HELZ: variants seen among roughly 807,000 people sequenced by gnomAD.
HELZ encodes the protein ATP-dependent RNA helicase with zinc finger domain.
In HELZ, 23 loss-of-function variants were observed where a neutral mutation model predicts 218.2. The observed-to-expected ratio is 0.11, with a 90% CI of 0.08 to 0.15. The LOEUF (loss-of-function observed/expected upper bound fraction) is 0.15, where lower values mean the gene tolerates loss of function less well. HELZ is among the 10% of genes least tolerant of loss of function. HELZ has a pLI of 1.00. For missense variants in HELZ, 1,813 were observed against 2,353.7 expected (o/e 0.77, Z 4.75); for synonymous variants, 814 against 829.4 (o/e 0.98, Z 0.32).
chr17:67,179,782 C>A (rs1300521420), intron 12 of HELZ: 3 of 151,970 alleles, frequency 2.0e-5, no homozygotes, highest in African/African-American at 4.8e-5. Flanking sequence ...ATACATTACA[C>A]CAAGACTTTG....
chr17:67,197,701 C>T (rs1483852474), intron 7 of HELZ, among the ~76,000 whole-genome samples: 4 of 152,120 alleles, frequency 2.6e-5, no homozygotes, highest in South Asian at 4.1e-4. Context: ...ATAGAAAGAA[C>T]GTCAGAATGC....
intron 12 of HELZ, 48 bp from the exon 13 acceptor site, chr17:67,178,974 T>C (rs763299819): frequency 5.5e-6 from 7 of 1,267,026 alleles, no homozygotes; most frequent in Non-Finnish European, 7.7e-6. Flanking sequence ...AACATTAAAA[T>C]TTTTAAATAA....
At chr17:67,190,108 AGTTCATT>A (rs1207168177) in intron 10 of HELZ, 42 bp downstream of exon 10, 1 of 1,475,160 alleles carries the variant, frequency 6.8e-7, no homozygotes, top group South Asian at 1.1e-5. Flanking sequence ...TCAAGACTCA[AGTTCATT>A]GTTTAAGACA....
chr17:67,140,610 T>C (rs982936034), intron 21 of HELZ, among the ~76,000 whole-genome samples: 1 of 151,968 alleles, frequency 6.6e-6, no homozygotes, highest in African/African-American at 2.4e-5. Flanking sequence ...CTCACCAACA[T>C]GCATCTGATG....
At chr17:67,097,334 G>A (rs1394067343) in intron 31 of HELZ, among the ~76,000 whole-genome samples, 1 of 152,108 alleles carries the variant, frequency 6.6e-6, no homozygotes, top group Non-Finnish European at 1.5e-5. Context: ...GCTCAACATG[G>A]GGTTACCATA....
intron 12 of HELZ, among the ~76,000 whole-genome samples, chr17:67,180,572 T>C (rs2039578249): frequency 6.6e-6 from 1 of 152,088 alleles, no homozygotes; most frequent in African/African-American, 2.4e-5. Flanking sequence ...GGAGAAATCC[T>C]GTCCCTACTG....
intron 3 of HELZ, among the ~76,000 whole-genome samples, chr17:67,226,335 C>T (rs979269206): frequency 6.8e-6 from 1 of 147,106 alleles, no homozygotes; most frequent in South Asian, 2.1e-4. Context: ...CAAATAAAAA[C>T]TGAGCAACAG....
Position 67,207,211 on chromosome 17 carries a change from C to CT in HELZ, c.248-3769dup, listed in dbSNP as rs61019173. 5.1e-3 allele frequency among the ~76,000 whole-genome samples: 387 copies of CT among 75,560 alleles called. 34 individuals carry two copies. Among genetic ancestry groups the CT allele is most frequent in the African/African-American group, 7.3e-3 (100 of 13,756 alleles). The allele number at this position is 75,560 out of a possible 152,430, so 49.6% of individuals were successfully genotyped here. A position where few individuals can be genotyped will look rare whatever the true frequency, so the allele number is the denominator to read the frequency against. On this transcript the variant is annotated intron_variant, in intron 5 of 32. Transcript: ENST00000358691. ...ACAGGCATGAGCCACCACGCCCGGC[C>CT]TTTTTTTTTTTTTTTTTTTTTTTTT...
At chr17:67,150,864 C>T (rs2038661181) in intron 18 of HELZ, among the ~76,000 whole-genome samples, 182 bp downstream of exon 18, 1 of 152,172 alleles carries the variant, frequency 6.6e-6, no homozygotes, top group Non-Finnish European at 1.5e-5. Context: ...CAACTCAACT[C>T]AGCCACTGTA....
intron 27 of HELZ, 96 bp downstream of exon 27, chr17:67,120,309 A>T: frequency 9.8e-7 from 1 of 1,018,838 alleles, no homozygotes; most frequent in Non-Finnish European, 1.5e-6. Flanking sequence ...AATCCATGAA[A>T]AAGTTAACAA....
intron 3 of HELZ, among the ~76,000 whole-genome samples, chr17:67,233,358 A>T (rs1447260380): frequency 3.3e-5 from 5 of 152,220 alleles, no homozygotes; most frequent in Admixed American, 3.3e-4. Flanking sequence ...GTCTCAAAAA[A>T]TTTAAAAATA....
At chr17:67,173,274 C>T (rs2039362891) in intron 13 of HELZ, among the ~76,000 whole-genome samples, 1 of 152,100 alleles carries the variant, frequency 6.6e-6, no homozygotes, top group South Asian at 2.1e-4. Flanking sequence ...AAAATATGTA[C>T]TTTTTGAAAT....
chr17:67,153,351 A>C (rs573484204), intron 17 of HELZ, among the ~76,000 whole-genome samples: 3 of 152,188 alleles, frequency 2.0e-5, no homozygotes, highest in Non-Finnish European at 4.4e-5. Flanking sequence ...GAAAGTAGTT[A>C]CTAAGGAGAT....
rs1408921452 is a variant in HELZ at position 67,151,315 on chromosome 17, G to T, written c.2178-91C>A. On this transcript the variant is annotated intron_variant, in intron 17 of 32. Coordinates refer to ENST00000358691, the MANE Select transcript of HELZ (RefSeq NM_014877.4). ...ACACTGACATTGTTATTTTAAGATG[G>T]TAATATCTGAAAAGTTACAAATGAA... 24 of 1,034,446 alleles carry T rather than the reference G, an allele frequency of 2.3e-5. 1 individual carries two copies. In the South Asian group the frequency reaches 3.6e-4, roughly 15 times the overall value. The allele number at this position is 1,034,446 out of a possible 1,614,324, so 64.1% of individuals were successfully genotyped here.
chr17:67,165,299 T>C (rs934013679), intron 15 of HELZ, among the ~76,000 whole-genome samples: 1 of 152,288 alleles, frequency 6.6e-6, no homozygotes, highest in East Asian at 1.9e-4. Context: ...TTTCGTGTTG[T>C]TCTGTTTTTA....
intron 31 of HELZ, among the ~76,000 whole-genome samples, chr17:67,092,891 G>GC (rs975800380): frequency 1.9e-4 from 22 of 113,374 alleles, no homozygotes; most frequent in Admixed American, 4.8e-4. Context: ...CTTGAAACCG[G>GC]CGGGGGGGGG....
At chr17:67,127,682 A>T (rs1252197725) in intron 24 of HELZ, among the ~76,000 whole-genome samples, 1 of 152,100 alleles carries the variant, frequency 6.6e-6, no homozygotes, top group African/African-American at 2.4e-5. Flanking sequence ...CCTTGTCTCT[A>T]CGAAAAATAC....
intron 13 of HELZ, among the ~76,000 whole-genome samples, chr17:67,171,658 T>C (rs2039313274): frequency 6.6e-6 from 1 of 152,276 alleles, no homozygotes; most frequent in African/African-American, 2.4e-5. Flanking sequence ...ATCTGGTAAG[T>C]AGCTTTCTAT....
chr17:67,085,697 T>A lies in HELZ; in HGVS notation c.5494+1132A>T, dbSNP rs182822244. On this transcript the variant is annotated intron_variant, in intron 32 of 32. Transcript: ENST00000358691. ...TTGTTTCAAATAAAAAAGTTGATGT[T>A]ACTGGGCAAAAATTCACCACACAAA... Among the ~76,000 whole-genome samples the A allele has an allele frequency of 2.4e-3, 373 of 152,294 alleles. 1 individual carries two copies. The highest frequency in any genetic ancestry group is 6.8e-3 in the Middle Eastern group (2 of 294).
Sources: gnomAD v4.1 joint callset for allele counts (sites outside exome capture counted in the v4.1 genomes callset) on GRCh38, gnomAD v4.1.1 for gene constraint, MANE v1.5 for transcripts, NCBI Gene and HGNC (gene_info 2026-07-23, HGNC 2026-07-21) for gene names.